The following ULK4 variants were observed in gnomAD, a reference collection of about 807,000 sequenced individuals.
ULK4 encodes the protein unc-51 like kinase 4, also known as inactive serine/threonine-protein kinase ULK4.
In ULK4, 133 loss-of-function variants were observed where a neutral mutation model predicts 160.6. The observed-to-expected ratio is 0.83, with a 90% CI of 0.72 to 0.96. The LOEUF (loss-of-function observed/expected upper bound fraction) is 0.96, where lower values mean the gene tolerates loss of function less well. ULK4 is among the 40% of genes least tolerant of loss of function. ULK4 has a pLI of 0.00. For missense variants in ULK4, 1,580 were observed against 1,499.5 expected (o/e 1.05, Z -0.89); for synonymous variants, 534 against 539.8 (o/e 0.99, Z 0.15).
Position 41,291,781 on chromosome 3 carries a change from A to G in ULK4, c.3679-42207T>C, listed in dbSNP as rs114258017. Among the ~76,000 whole-genome samples, 626 of 151,452 alleles carry G rather than the reference A, an allele frequency of 4.1e-3. 3 individuals carry two copies. Among genetic ancestry groups the G allele is most frequent in the African/African-American group, 0.014 (598 of 41,270 alleles). On this transcript the variant is annotated intron_variant, in intron 35 of 36. Coordinates refer to ENST00000301831, the MANE Select transcript of ULK4 (RefSeq NM_017886.4). ...TCAGCCTGGGTGCTGCTGGTTGCAC[A>G]GCTGTATTTTGCTTATGAACATTCA...
intron 35 of ULK4, among the ~76,000 whole-genome samples, chr3:41,276,676 T>A (rs1317871537): frequency 6.6e-6 from 1 of 152,134 alleles, no homozygotes; most frequent in African/African-American, 2.4e-5. Flanking sequence ...ACTGGGAAAA[T>A]AGTTGTAACA....
At chr3:41,751,257 G>T (rs571243119) in intron 22 of ULK4, among the ~76,000 whole-genome samples, 108 of 152,144 alleles carry the variant, frequency 7.1e-4, no homozygotes, top group Non-Finnish European at 1.2e-3. Context: ...GACAGGGACA[G>T]ATTGGCCCAC....
intron 32 of ULK4, among the ~76,000 whole-genome samples, chr3:41,564,584 G>A (rs933372433): frequency 3.4e-5 from 5 of 146,440 alleles, no homozygotes; most frequent in African/African-American, 1.0e-4. Flanking sequence ...TCAGCCTCCC[G>A]AGTAGCTGGG....
At chr3:41,434,716 T>C (rs1190897020) in intron 34 of ULK4, among the ~76,000 whole-genome samples, 1 of 152,190 alleles carries the variant, frequency 6.6e-6, no homozygotes, top group Non-Finnish European at 1.5e-5. Flanking sequence ...GGATGACCAA[T>C]TCATTTTTCA....
rs150714117 is a variant in ULK4, at chr3:41,540,171, T to C, written c.3226+25854A>G. Among the ~76,000 whole-genome samples the C allele has an allele frequency of 4.9e-3, 739 of 152,220 alleles. 6 individuals carry two copies. Among genetic ancestry groups the C allele is most frequent in the Non-Finnish European group, 8.7e-3 (590 of 68,012 alleles). On this transcript the variant is annotated intron_variant, in intron 32 of 36. Transcript: ENST00000301831. ...GTTCACTGCACCCATCAACCCGTCATCTACATTAGGTATTTCTCCTAATGC... is the reference window on the plus strand; with the variant it reads ...GTTCACTGCACCCATCAACCCGTCACCTACATTAGGTATTTCTCCTAATGC...
rs567327519 is a variant in ULK4 at position 41,377,747 on chromosome 3, G to T, written c.3678+20332C>A. On this transcript the variant is annotated intron_variant, in intron 35 of 36. Coordinates refer to ENST00000301831, the MANE Select transcript of ULK4 (RefSeq NM_017886.4). ...CAACAGGTGCTGTAGAGGATGTGGAGAAATAGGAACACTTTTACACTGTTG... is the reference window on the plus strand; with the variant it reads ...CAACAGGTGCTGTAGAGGATGTGGATAAATAGGAACACTTTTACACTGTTG... 2.7e-5 allele frequency among the ~76,000 whole-genome samples: 4 copies of T among 148,352 alleles called. No homozygotes were observed. In the East Asian group the frequency reaches 8.0e-4, roughly 30 times the overall value.
chr3:41,312,066 T>TG (rs926946062), intron 35 of ULK4, among the ~76,000 whole-genome samples: 2 of 151,710 alleles, frequency 1.3e-5, no homozygotes, highest in Non-Finnish European at 2.9e-5. Context: ...CTCAAACTCC[T>TG]GGGCTCCAGC....
intron 32 of ULK4, among the ~76,000 whole-genome samples, chr3:41,510,586 AAAT>A (rs1185264985): frequency 2.0e-5 from 3 of 152,198 alleles, no homozygotes; most frequent in South Asian, 4.1e-4. Context: ...ATAAAGCACA[AAAT>A]AAGTCTCAGT....
intron 22 of ULK4, among the ~76,000 whole-genome samples, chr3:41,745,946 G>A (rs2038403866): frequency 6.6e-6 from 1 of 150,596 alleles, no homozygotes; most frequent in Admixed American, 6.6e-5. Context: ...ACTCATTCAT[G>A]ATGAGAGAAA....
At chr3:41,509,257 C>T (rs1045704141) in intron 32 of ULK4, among the ~76,000 whole-genome samples, 1 of 151,898 alleles carries the variant, frequency 6.6e-6, no homozygotes, top group Non-Finnish European at 1.5e-5. Flanking sequence ...TCAAATTAAT[C>T]CAATGCATCA....
intron 18 of ULK4, among the ~76,000 whole-genome samples, chr3:41,830,041 C>G (rs1575786354): frequency 6.6e-6 from 1 of 151,642 alleles, no homozygotes; most frequent in Non-Finnish European, 1.5e-5. Context: ...CAAACTATCG[C>G]AAGGACAAAA....
At chr3:41,688,494 T>A (rs992021394) in intron 27 of ULK4, among the ~76,000 whole-genome samples, 6 of 152,230 alleles carry the variant, frequency 3.9e-5, no homozygotes, top group Non-Finnish European at 8.8e-5. Context: ...ACTTTTTACA[T>A]CACTGCTATA....
At chr3:41,910,163 T>C (rs758289121) in intron 11 of ULK4, among the ~76,000 whole-genome samples, 1 of 152,230 alleles carries the variant, frequency 6.6e-6, no homozygotes, top group Non-Finnish European at 1.5e-5. Flanking sequence ...CCCAAAGTGC[T>C]GGGATTACAG....
At chr3:41,782,892 T>C (rs1301912442) in intron 21 of ULK4, among the ~76,000 whole-genome samples, 1 of 152,186 alleles carries the variant, frequency 6.6e-6, no homozygotes, top group East Asian at 1.9e-4. Context: ...TACCTTTAAA[T>C]GATCGTATAT....
intron 32 of ULK4, among the ~76,000 whole-genome samples, chr3:41,555,496 G>T (rs2087257337): frequency 6.6e-6 from 1 of 152,088 alleles, no homozygotes. Flanking sequence ...AGTCAGAATG[G>T]CCATTATTAA....
At chr3:41,679,587 G>A (rs538793766) in intron 29 of ULK4, among the ~76,000 whole-genome samples, 11 of 152,136 alleles carry the variant, frequency 7.2e-5, no homozygotes, top group Admixed American at 5.9e-4. Context: ...CCTCATCTCT[G>A]GAAAAAGTAA....
intron 22 of ULK4, among the ~76,000 whole-genome samples, chr3:41,725,225 A>C (rs566224993): frequency 6.6e-6 from 1 of 152,232 alleles, no homozygotes; most frequent in African/African-American, 2.4e-5. Flanking sequence ...CAGAAGCTTT[A>C]CTGCTTTACC....
intron 12 of ULK4, among the ~76,000 whole-genome samples, chr3:41,907,206 GTTTC>G (rs538089570): frequency 3.0e-4 from 46 of 152,244 alleles, no homozygotes; most frequent in African/African-American, 1.0e-3. Flanking sequence ...CTAATGGGTA[GTTTC>G]TTTGTTGGAT....
intron 32 of ULK4, among the ~76,000 whole-genome samples, chr3:41,486,497 GGA>G (rs1305900053): frequency 6.6e-6 from 1 of 152,158 alleles, no homozygotes; most frequent in Non-Finnish European, 1.5e-5. Flanking sequence ...CAGGGGAGTG[GGA>G]GAGTTTTATC....
Sources: allele counts gnomAD v4.1 joint callset (sites outside exome capture counted in the v4.1 genomes callset), GRCh38; gene constraint gnomAD v4.1.1; transcripts MANE v1.5; gene names NCBI Gene and HGNC (gene_info 2026-07-23, HGNC 2026-07-21).